PTPRD: variants seen among roughly 807,000 people sequenced by gnomAD.
The protein encoded by PTPRD is protein tyrosine phosphatase receptor type D, also known as receptor-type tyrosine-protein phosphatase delta.
In PTPRD, 34 loss-of-function variants were observed where a neutral mutation model predicts 214.5. The ratio of observed to expected loss-of-function variants is 0.16; its 90% CI spans 0.12 to 0.21. PTPRD has a LOEUF of 0.21. Among genes scored for constraint, PTPRD ranks in the 10% least tolerant of loss-of-function variants. PTPRD has a pLI of 1.00. For missense variants in PTPRD, 2,545 were observed against 2,398.7 expected, an observed-to-expected ratio of 1.06 and a Z score of -1.27; for synonymous variants, 1,128 against 845.7, an observed-to-expected ratio of 1.33 and a Z score of -5.79.
At chr9:8,575,066 A>C (rs539340866) in intron 14 of PTPRD, among the ~76,000 whole-genome samples, 2 of 152,222 alleles carry the variant, frequency 1.3e-5, no homozygotes, top group South Asian at 2.1e-4. Context: ...CAGAGGGTTT[A>C]CAGAACTGTC....
intron 11 of PTPRD, among the ~76,000 whole-genome samples, chr9:8,744,029 A>G (rs2154448535): frequency 6.6e-6 from 1 of 152,250 alleles, no homozygotes; most frequent in South Asian, 2.1e-4. Flanking sequence ...AAGCATATGG[A>G]AAAACGCTCA....
intron 5 of PTPRD, among the ~76,000 whole-genome samples, chr9:9,863,210 T>C (rs778349704): frequency 2.6e-5 from 4 of 152,132 alleles, no homozygotes; most frequent in Admixed American, 1.3e-4. Flanking sequence ...CTGCAAATTC[T>C]AAAGCAGATT....
chr9:9,917,451 C>T (rs973573311), intron 5 of PTPRD, among the ~76,000 whole-genome samples: 9 of 47,618 alleles, frequency 1.9e-4, no homozygotes, highest in African/African-American at 5.8e-4. Context: ...AGAAAATTTC[C>T]TAAAAAAAAA....
At chr9:10,154,766 G>T (rs994677016) in intron 3 of PTPRD, among the ~76,000 whole-genome samples, 11 of 110,684 alleles carry the variant, frequency 9.9e-5, no homozygotes, top group African/African-American at 5.5e-4. Flanking sequence ...GTAGCAGGGT[G>T]GCCTATTTCT....
intron 35 of PTPRD, among the ~76,000 whole-genome samples, chr9:8,427,858 C>T (rs1465774131): frequency 6.6e-6 from 1 of 151,740 alleles, no homozygotes; most frequent in Non-Finnish European, 1.5e-5. Flanking sequence ...GGGGTGATAT[C>T]TTTTATTCCT....
chr9:9,236,927 G>T (rs182034465), intron 9 of PTPRD, among the ~76,000 whole-genome samples: 1 of 152,208 alleles, frequency 6.6e-6, no homozygotes, highest in African/African-American at 2.4e-5. Flanking sequence ...TCTTGAAAAG[G>T]CTGCACCTTT....
chr9:10,364,582 G>C (rs2097477191), intron 2 of PTPRD, among the ~76,000 whole-genome samples: 1 of 151,658 alleles, frequency 6.6e-6, no homozygotes, highest in African/African-American at 2.4e-5. Flanking sequence ...TTTTCAAAGA[G>C]TTGAAATATT....
chr9:10,207,551 T>G (rs2099489723), intron 3 of PTPRD, among the ~76,000 whole-genome samples: 1 of 152,034 alleles, frequency 6.6e-6, no homozygotes, highest in African/African-American at 2.4e-5. Context: ...AAAATATTAT[T>G]ATGTAACTAA....
In PTPRD at chr9:8,587,128, C is replaced by T. The variant is rs560664166; in HGVS notation, c.352+46189G>A. On this transcript the variant is annotated intron_variant, in intron 14 of 45. Transcript: ENST00000381196. The stretch of plus-strand genomic sequence containing the variant: ...TCACACCACTGCACTCCAGCCTGGG[C>T]GACAGAGCGAGACTCCATCTAAAAA... Among the ~76,000 whole-genome samples, 9 of 152,134 alleles carry T rather than the reference C, an allele frequency of 5.9e-5. No homozygotes were observed. In the East Asian group the frequency reaches 1.5e-3, roughly 26 times the overall value.
At chr9:10,577,950 C>T (rs1022751747) in intron 2 of PTPRD, among the ~76,000 whole-genome samples, 3 of 150,966 alleles carry the variant, frequency 2.0e-5, no homozygotes, top group Non-Finnish European at 4.4e-5. Flanking sequence ...GTCTCACTGT[C>T]ACCCAGGCTG....
At chr9:9,970,576 C>T (rs922663361) in intron 4 of PTPRD, among the ~76,000 whole-genome samples, 1 of 152,082 alleles carries the variant, frequency 6.6e-6, no homozygotes, top group Admixed American at 6.6e-5. Context: ...GTCCTCCTCC[C>T]CCCACACAGG....
chr9:8,636,584 G>T, intron 13 of PTPRD, 115 bp downstream of exon 13: 1 of 1,289,060 alleles, frequency 7.8e-7, no homozygotes, highest in Non-Finnish European at 1.1e-6. Context: ...GCAATGTAAG[G>T]AATACCATAT....
chr9:9,506,054 T>G (rs2096563479), intron 8 of PTPRD, among the ~76,000 whole-genome samples: 1 of 151,390 alleles, frequency 6.6e-6, no homozygotes, highest in African/African-American at 2.4e-5. Flanking sequence ...TAAATAAAAA[T>G]AAAAATAAAC....
intron 4 of PTPRD, among the ~76,000 whole-genome samples, chr9:9,953,553 T>G (rs2093642046): frequency 6.6e-6 from 1 of 151,942 alleles, no homozygotes; most frequent in African/African-American, 2.4e-5. Flanking sequence ...TGGTTTTGTT[T>G]CTCTGGAGAA....
chr9:9,395,091 G>A (rs976283074), intron 9 of PTPRD, among the ~76,000 whole-genome samples: 71 of 151,788 alleles, frequency 4.7e-4, no homozygotes, highest in Non-Finnish European at 9.3e-4. Flanking sequence ...CCATTTGGAT[G>A]TCTCCTCTCT....
intron 5 of PTPRD, among the ~76,000 whole-genome samples, chr9:9,918,977 G>T (rs1185224235): frequency 6.6e-6 from 1 of 151,958 alleles, no homozygotes; most frequent in Non-Finnish European, 1.5e-5. Context: ...TGCCATTATT[G>T]TTTTTTATTC....
chr9:9,889,849 G>C (rs78602165), intron 5 of PTPRD, among the ~76,000 whole-genome samples: 4,162 of 151,752 alleles, frequency 0.027, 165 homozygotes, highest in African/African-American at 0.09. Flanking sequence ...TCTCTGCAGG[G>C]GCAGGTTTCT....
chr9:9,900,641 G>GTTTTTTTTTTGTTTTTTTT (rs1555302234), intron 5 of PTPRD, among the ~76,000 whole-genome samples: 1 of 120,084 alleles, frequency 8.3e-6, no homozygotes, highest in African/African-American at 3.1e-5. Context: ...ACATTTTCAG[G>GTTTTTTTTTTGTTTTTTTT]TTTTTTTTTT....
At chr9:9,645,577 A>G (rs889919253) in intron 7 of PTPRD, among the ~76,000 whole-genome samples, 1 of 151,692 alleles carries the variant, frequency 6.6e-6, no homozygotes, top group African/African-American at 2.4e-5. Flanking sequence ...AATCTATCCC[A>G]GAATTTCTGA....
Sources: gnomAD v4.1 joint callset for allele counts (sites outside exome capture counted in the v4.1 genomes callset) on GRCh38, gnomAD v4.1.1 for gene constraint, MANE v1.5 for transcripts, NCBI Gene and HGNC (gene_info 2026-07-23, HGNC 2026-07-21) for gene names.